Variants in ETV5 observed in about 807,000 individuals in gnomAD.
The protein encoded by ETV5 is ETS translocation variant 5.
In ETV5, 10 loss-of-function variants were observed where a neutral mutation model predicts 70.0. The ratio of observed to expected loss-of-function variants is 0.14; its 90% CI spans 0.09 to 0.24. ETV5 has a LOEUF of 0.24. Ranked by LOEUF, ETV5 falls within the 10% of genes least tolerant of loss-of-function variation. The probability of loss-of-function intolerance (pLI) is 1.00; values close to 1 mark genes in which losing one functional copy is unlikely to be tolerated. For missense variants in ETV5, 453 were observed against 651.2 expected, an observed-to-expected ratio of 0.70 and a Z score of 3.31; for synonymous variants, 216 against 242.2, an observed-to-expected ratio of 0.89 and a Z score of 1.01.
At chr3:186,098,582 A>C (rs2150154215) in intron 5 of ETV5, among the ~76,000 whole-genome samples, 2 of 152,302 alleles carry the variant, frequency 1.3e-5, no homozygotes, top group South Asian at 4.1e-4. Flanking sequence ...AAGAATGTGG[A>C]GATCTAAGGT....
chr3:186,057,084 T>A lies in ETV5; in HGVS notation c.1200A>T (p.Glu400Asp). The change falls in exon 11 of 13, where the codon GAA (glutamate) becomes GAT (aspartate). Residue 400 changes from glutamate to aspartate, a missense_variant. Transcript: ENST00000306376. The surrounding 1 kb of genome is among the most constrained non-coding windows in gnomAD (Gnocchi z 4.9). The part of the protein sequence containing the change: ...TGRGMEFKLI[E>D]PEEVARRWGI... Reference sequence around the variant, plus strand: ...AGCATCCAGTGCATACCTCTTCCGGTTCTATCAGCTTGAACTCCATGCCTC... The same window carrying A: ...AGCATCCAGTGCATACCTCTTCCGGATCTATCAGCTTGAACTCCATGCCTC... 1.2e-6 allele frequency: 2 copies of A among 1,614,102 alleles called. No homozygotes were observed. Among genetic ancestry groups the A allele is most frequent in the Non-Finnish European group, 1.7e-6 (2 of 1,179,982 alleles).
intron 6 of ETV5, chr3:186,080,485 G>A (rs1254673756): frequency 4.2e-6 from 1 of 239,172 alleles, no homozygotes; most frequent in East Asian, 6.1e-5. Context: ...CCAGGAATTA[G>A]TCAGAATATG....
At chr3:186,063,273 A>G (rs756339926) in intron 9 of ETV5, among the ~76,000 whole-genome samples, 4 of 152,214 alleles carry the variant, frequency 2.6e-5, no homozygotes, top group Non-Finnish European at 4.4e-5. Context: ...CCGTCTCAAC[A>G]ACAACAACAA....
At position 186,105,620 on chromosome 3, in the gene ETV5, A is replaced by G. The variant is rs747615140; in HGVS notation, c.133+5T>C. ...CCACAACATAATCAGGGAAAGCTTT[A>G]CTACCTTCAGAATCGTGAGCCAGAT... On this transcript the variant is annotated splice_donor_5th_base_variant and intron_variant, in intron 3 of 12. Coordinates refer to ENST00000306376, the MANE Select transcript of ETV5 (RefSeq NM_004454.3). The surrounding 1 kb of genome is among the most constrained non-coding windows in gnomAD (Gnocchi z 4.5). The G allele has an allele frequency of 6.2e-7, 1 of 1,614,192 alleles. No homozygotes were observed. The highest frequency in any genetic ancestry group is 8.5e-7 in the Non-Finnish European group (1 of 1,180,004).
intron 12 of ETV5, among the ~76,000 whole-genome samples, chr3:186,051,653 T>C (rs1456231075): frequency 6.6e-6 from 1 of 152,230 alleles, no homozygotes; most frequent in East Asian, 1.9e-4. Context: ...TTTTAATAAC[T>C]AAAGACTTCA....
At chr3:186,102,940 G>C (rs377177896) in intron 5 of ETV5, among the ~76,000 whole-genome samples, 3 of 152,118 alleles carry the variant, frequency 2.0e-5, no homozygotes, top group East Asian at 3.9e-4. Flanking sequence ...ACTTGCTTTT[G>C]CAAGAATGAA....
At chr3:186,091,574 G>T (rs965618467) in intron 5 of ETV5, among the ~76,000 whole-genome samples, 1 of 152,136 alleles carries the variant, frequency 6.6e-6, no homozygotes, top group African/African-American at 2.4e-5. Flanking sequence ...CTTGGCTTCA[G>T]GAATCAGATT....
Position 186,079,804 on chromosome 3 carries a change from G to C in ETV5, c.650+13C>G, listed in dbSNP as rs1193430418. On this transcript the variant is annotated intron_variant, in intron 7 of 12. Coordinates refer to ENST00000306376, the MANE Select transcript of ETV5 (RefSeq NM_004454.3). ...GGGAGACAATTAAGGAAGAAGCCCA[G>C]ATCAACACCCACCTCTGTTCTGATG... 1 of 1,595,364 alleles carries C rather than the reference G, an allele frequency of 6.3e-7. No individual in the cohort carries two copies. Among genetic ancestry groups the C allele is most frequent in the Non-Finnish European group, 8.5e-7 (1 of 1,173,116 alleles).
intron 5 of ETV5, among the ~76,000 whole-genome samples, chr3:186,085,415 CTT>C (rs931041120): frequency 9.9e-5 from 15 of 151,990 alleles, no homozygotes; most frequent in African/African-American, 3.6e-4. Context: ...GGACTTACAC[CTT>C]TGTCTGGCTC....
At chr3:186,086,995 C>T (rs552160841) in intron 5 of ETV5, among the ~76,000 whole-genome samples, 5 of 151,618 alleles carry the variant, frequency 3.3e-5, no homozygotes, top group Admixed American at 2.0e-4. Context: ...AAAAAAGATG[C>T]CTACACTGAA....
chr3:186,090,326 C>T (rs1183162130), intron 5 of ETV5, among the ~76,000 whole-genome samples: 2 of 152,128 alleles, frequency 1.3e-5, no homozygotes, highest in Non-Finnish European at 2.9e-5. Context: ...TGGCTTTGGC[C>T]CACTTAGAAA....
intron 12 of ETV5, among the ~76,000 whole-genome samples, chr3:186,050,324 T>C (rs1310139482): frequency 2.0e-5 from 3 of 152,188 alleles, no homozygotes; most frequent in Non-Finnish European, 4.4e-5. Flanking sequence ...AGTTCTCTTC[T>C]ACTCCCTTAG....
Position 186,064,456 on chromosome 3 carries a change from A to G in ETV5, c.931T>C (p.Ser311Pro). 2 of 1,614,192 alleles carry G rather than the reference A, an allele frequency of 1.2e-6. No individual in the cohort carries two copies. Among genetic ancestry groups the G allele is most frequent in the African/African-American group, 1.3e-5 (1 of 75,042 alleles). The change falls in exon 9 of 13, where the codon TCC becomes CCC. Residue 311 changes from serine to proline, a missense_variant. Physicochemically the swap from Ser to Pro is moderately conservative, Grantham distance 74. This residue lies in a region of ETV5 where 307 missense variants were observed against 344.9 expected (regional missense o/e 0.89). Transcript: ENST00000306376. ...VDSEVPNCQS[S>P]YMRGGYFSSS... is the part of the protein sequence containing the mutation. ...GAGAAATAACCCCCTCTCATGTAGGATGACTGGCAGTTAGGCACTTCTGAA... is the reference window on the plus strand; with the variant it reads ...GAGAAATAACCCCCTCTCATGTAGGGTGACTGGCAGTTAGGCACTTCTGAA...
chr3:186,082,428 C>CTTTTTTT (rs1003609474), intron 5 of ETV5, among the ~76,000 whole-genome samples: 1 of 139,724 alleles, frequency 7.2e-6, no homozygotes, highest in Non-Finnish European at 1.6e-5. Flanking sequence ...TCACTTTTCT[C>CTTTTTTT]TTTTTTTTTT....
chr3:186,056,562 A>G lies in ETV5; in HGVS notation c.1209+513T>C, dbSNP rs980961693. ...TGCACCCGGCCATAACACACCTTTG[A>G]AAAAAAAAATCTAAGCTCATTAAGA... On this transcript the variant is annotated intron_variant, in intron 11 of 12. Coordinates refer to ENST00000306376, the MANE Select transcript of ETV5 (RefSeq NM_004454.3). 2.0e-5 allele frequency among the ~76,000 whole-genome samples: 3 copies of G among 150,556 alleles called. No homozygotes were observed. The East Asian group carries it at 5.8e-4, about 29-fold the overall frequency.
intron 11 of ETV5, among the ~76,000 whole-genome samples, chr3:186,056,223 A>G (rs1713159645): frequency 6.6e-6 from 1 of 152,116 alleles, no homozygotes; most frequent in Admixed American, 6.6e-5. Context: ...TCCTATTAAA[A>G]TAACTGAGGT....
chr3:186,104,987 C>G (rs1714553492), intron 5 of ETV5: 1 of 198,286 alleles, frequency 5.0e-6, no homozygotes, highest in Admixed American at 5.8e-5. Flanking sequence ...AGTGATCCAC[C>G]TGCCTCAGCC....
At chr3:186,062,496 C>T (rs1469430758) in intron 9 of ETV5, among the ~76,000 whole-genome samples, 4 of 152,162 alleles carry the variant, frequency 2.6e-5, no homozygotes, top group African/African-American at 9.7e-5. Context: ...GTGGCGCGCG[C>T]CTGTAATTCC....
At chr3:186,107,982 G>A (rs1243927007) in intron 1 of ETV5, among the ~76,000 whole-genome samples, 1 of 149,420 alleles carries the variant, frequency 6.7e-6, no homozygotes, top group African/African-American at 2.5e-5. Context: ...AAAGCTCAAT[G>A]CTTCATTCAC....
Sources: gnomAD v4.1 joint callset for allele counts (sites outside exome capture counted in the v4.1 genomes callset) on GRCh38, gnomAD v4.1.1 for gene constraint, gnomAD v4.1.1 regional missense constraint, Gnocchi (gnomAD v3.1) non-coding constraint, MANE v1.5 for transcripts, NCBI Gene and HGNC (gene_info 2026-07-23, HGNC 2026-07-21) for gene names.